Variants in PCDHGB1 observed in about 807,000 individuals in gnomAD.
PCDHGB1 encodes protocadherin gamma subfamily B, 1.
PCDHGB1 carries 34 observed loss-of-function variants against 56.6 expected under a neutral mutation model. The observed-to-expected ratio is 0.60, with a 90% confidence interval of 0.46 to 0.80. PCDHGB1 has a LOEUF of 0.80. PCDHGB1 is among the 30% of genes least tolerant of loss of function. The pLI is 0.00. For missense variants in PCDHGB1, 1,278 were observed against 1,204.6 expected (o/e 1.06, Z -0.90); for synonymous variants, 561 against 505.9 (o/e 1.11, Z -1.46).
chr5:141,356,559 T>G (rs779037970), intron 1 of PCDHGB1: 1 of 1,614,140 alleles, frequency 6.2e-7, no homozygotes, highest in Non-Finnish European at 8.5e-7. Context: ...CCACTTTCCC[T>G]CATGCTTCCT....
chr5:141,427,881 C>A, intron 1 of PCDHGB1: 1 of 1,563,720 alleles, frequency 6.4e-7, no homozygotes, highest in African/African-American at 1.3e-5. Context: ...GATGCAGGCC[C>A]ACGACCAGGG....
intron 1 of PCDHGB1, chr5:141,372,378 C>T: frequency 6.2e-7 from 1 of 1,614,030 alleles, no homozygotes; most frequent in African/African-American, 1.3e-5. Context: ...CATGCTGCAC[C>T]TAATCTTCGC....
chr5:141,431,974 CA>C lies in PCDHGB1; in HGVS notation c.2410-62832del, dbSNP rs1419355804. The C allele has an allele frequency of 1.2e-6, 2 of 1,614,174 alleles. No individual in the cohort carries two copies. The highest frequency in any genetic ancestry group is 1.3e-5 in the African/African-American group (1 of 75,058). On this transcript the variant is annotated intron_variant, in intron 1 of 3. Transcript: ENST00000523390. This position sits in a 1 kb window ranked among gnomAD's most constrained non-coding sequence, Gnocchi z 4.8. ...CTTACGGAAATTACTATAGTTTAGT[CA>C]CAGACATAGTCTTGGATAGGGAACA... is the stretch of plus-strand genomic sequence containing the variant.
At chr5:141,388,800 G>A (rs1193679536) in intron 1 of PCDHGB1, 6 of 1,613,896 alleles carry the variant, frequency 3.7e-6, no homozygotes, top group Non-Finnish European at 5.1e-6. Context: ...AAATACATTA[G>A]ATTTTGAAGA....
Position 141,438,011 on chromosome 5 carries a change from G to T in PCDHGB1, c.2410-56796G>T, listed in dbSNP as rs189978786. On this transcript the variant is annotated intron_variant, in intron 1 of 3. Coordinates refer to ENST00000523390, the MANE Select transcript of PCDHGB1 (RefSeq NM_018922.3). ...CCACCTCAGCCTCCCAAATAGCTGAGATTACAGGTGTGAGCCACCATGCCC... is the reference window on the plus strand; with the variant it reads ...CCACCTCAGCCTCCCAAATAGCTGATATTACAGGTGTGAGCCACCATGCCC... 2.8e-3 allele frequency among the ~76,000 whole-genome samples: 432 copies of T among 152,220 alleles called. 1 individual carries two copies. The highest frequency in any genetic ancestry group is 0.021 in the Admixed American group (318 of 15,288).
chr5:141,439,579 G>A (rs980322898), intron 1 of PCDHGB1, among the ~76,000 whole-genome samples: 6 of 152,148 alleles, frequency 3.9e-5, no homozygotes, highest in African/African-American at 1.4e-4. Context: ...GGGACTCAGA[G>A]TGCCACTGTT....
At position 141,371,773 on chromosome 5, in the gene PCDHGB1, A is replaced by C. The variant is rs148367405; in HGVS notation, c.2409+19104A>C. The C allele has an allele frequency of 2.9e-5, 46 of 1,614,020 alleles. No individual in the cohort carries two copies. In the Middle Eastern group the frequency reaches 6.6e-4, roughly 23 times the overall value. On this transcript the variant is annotated intron_variant, in intron 1 of 3. Coordinates refer to ENST00000523390, the MANE Select transcript of PCDHGB1 (RefSeq NM_018922.3). ...TTCCACCAGGCCTCCTACACCGTGC[A>C]TGTAGCTGAGAACAATCCGCCTGGA...
chr5:141,415,126 C>T, intron 1 of PCDHGB1: 1 of 1,613,688 alleles, frequency 6.2e-7, no homozygotes, highest in Non-Finnish European at 8.5e-7. Context: ...AGTGGCCGTC[C>T]AGGACCACGG....
At chr5:141,418,800 GAT>G (rs777421725) in intron 1 of PCDHGB1, 1 of 1,613,800 alleles carries the variant, frequency 6.2e-7, no homozygotes, top group Non-Finnish European at 8.5e-7. Flanking sequence ...GAAGTAGAAA[GAT>G]ATACGATAAA....
At chr5:141,409,515 T>G (rs1273041163) in intron 1 of PCDHGB1, 1 of 1,613,844 alleles carries the variant, frequency 6.2e-7, no homozygotes, top group Non-Finnish European at 8.5e-7. Context: ...AGTAGAAGCA[T>G]CACCTTGTAT....
intron 1 of PCDHGB1, chr5:141,361,524 G>T (rs551885796): frequency 6.2e-7 from 1 of 1,614,056 alleles, no homozygotes; most frequent in South Asian, 1.1e-5. Context: ...ACGTGGCAGA[G>T]AACAATCCTC....
At chr5:141,393,980 T>C (rs745601350) in intron 1 of PCDHGB1, 132 of 1,613,686 alleles carry the variant, frequency 8.2e-5, no homozygotes, top group Admixed American at 6.7e-5. Context: ...CACGTGATAA[T>C]TTACCTTTTA....
chr5:141,479,813 T>G (rs543146395), intron 1 of PCDHGB1, among the ~76,000 whole-genome samples: 1 of 152,318 alleles, frequency 6.6e-6, no homozygotes, highest in South Asian at 2.1e-4. Flanking sequence ...TATGCAAGGA[T>G]ACTATCCAAG....
At chr5:141,365,047 G>C in intron 1 of PCDHGB1, 2 of 1,613,804 alleles carry the variant, frequency 1.2e-6, no homozygotes, top group Non-Finnish European at 1.7e-6. Context: ...ACGACAATGC[G>C]CCCCTGTTCA....
At chr5:141,366,528 C>T (rs777450935) in intron 1 of PCDHGB1, 3 of 1,614,208 alleles carry the variant, frequency 1.9e-6, no homozygotes, top group Non-Finnish European at 2.5e-6. Context: ...AGCAGGTTGG[C>T]GGGTGTGCCC....
In PCDHGB1 at chr5:141,477,625, C is replaced by T; in HGVS notation, c.2410-17182C>T. ...TTCTCTTGGAGCAAGGAGCTGAAACCGGGCTAGTGGGTCGCTATTTCACAA... is the reference window on the plus strand; with the variant it reads ...TTCTCTTGGAGCAAGGAGCTGAAACTGGGCTAGTGGGTCGCTATTTCACAA... On this transcript the variant is annotated intron_variant, in intron 1 of 3. Coordinates refer to ENST00000523390, the MANE Select transcript of PCDHGB1 (RefSeq NM_018922.3). This position sits in a 1 kb window ranked among gnomAD's most constrained non-coding sequence, Gnocchi z 4.9. The T allele has an allele frequency of 1.2e-6, 2 of 1,614,200 alleles. No homozygotes were observed. Among genetic ancestry groups the T allele is most frequent in the Non-Finnish European group, 1.7e-6 (2 of 1,180,046 alleles).
intron 1 of PCDHGB1, chr5:141,413,123 AAACACAC>A (rs2095606041): frequency 2.0e-6 from 3 of 1,526,818 alleles, no homozygotes; most frequent in Middle Eastern, 3.6e-4. Context: ...GAACCGGTTG[AAACACAC>A]AACGTGTCCA....
At chr5:141,364,857 T>C (rs1243069537) in intron 1 of PCDHGB1, 1 of 1,614,008 alleles carries the variant, frequency 6.2e-7, no homozygotes, top group South Asian at 1.1e-5. Context: ...AGCTCCAATC[T>C]GCACTTCTCT....
chr5:141,438,635 TACACACACACACACAC>T (rs56854727), intron 1 of PCDHGB1, among the ~76,000 whole-genome samples: 7 of 33,414 alleles, frequency 2.1e-4, no homozygotes, highest in Non-Finnish European at 3.7e-4. Flanking sequence ...TATATATATA[TACACACACACACACAC>T]ATATATGTAT....
Sources: allele counts gnomAD v4.1 joint callset (sites outside exome capture counted in the v4.1 genomes callset), GRCh38; gene constraint gnomAD v4.1.1; non-coding constraint Gnocchi (gnomAD v3.1); transcripts MANE v1.5; gene names NCBI Gene and HGNC (gene_info 2026-07-23, HGNC 2026-07-21).